Variants in EBF2 observed in about 807,000 individuals in gnomAD.
The protein encoded by EBF2 is EBF transcription factor 2, also known as transcription factor COE2.
EBF2 carries 21 observed loss-of-function variants against 72.8 expected under a neutral mutation model. That is an observed-to-expected ratio of 0.29 (90% CI 0.20 to 0.42). The LOEUF (loss-of-function observed/expected upper bound fraction) is 0.42, where lower values mean the gene tolerates loss of function less well. Among genes scored for constraint, EBF2 ranks in the 10% least tolerant of loss-of-function variants. The pLI is 1.00. For synonymous variants in EBF2, 299 were observed against 274.2 expected, an observed-to-expected ratio of 1.09 and a Z score of -0.89; for missense variants, 637 against 731.2, an observed-to-expected ratio of 0.87 and a Z score of 1.49.
At chr8:25,960,670 G>A (rs570536108) in intron 6 of EBF2, among the ~76,000 whole-genome samples, 1 of 152,048 alleles carries the variant, frequency 6.6e-6, no homozygotes, top group African/African-American at 2.4e-5. Flanking sequence ...CACCAAAACT[G>A]TTGTGCATAT....
chr8:26,022,222 C>A (rs542981557), intron 6 of EBF2, among the ~76,000 whole-genome samples: 115 of 152,266 alleles, frequency 7.6e-4, no homozygotes, highest in South Asian at 3.9e-3. Context: ...TCTCTTATCC[C>A]AACTGAGTCT....
chr8:25,922,267 C>A (rs74401183), intron 6 of EBF2, among the ~76,000 whole-genome samples: 6,818 of 150,184 alleles, frequency 0.045, 494 homozygotes, highest in African/African-American at 0.15. Context: ...AAAAAACAAA[C>A]AAAAAAAACA....
In EBF2 at chr8:25,862,809, A is replaced by G; in HGVS notation, c.1010-12T>C. The G allele has an allele frequency of 6.4e-7, 1 of 1,569,854 alleles. No individual in the cohort carries two copies. Among genetic ancestry groups the G allele is most frequent in the Non-Finnish European group, 8.6e-7 (1 of 1,156,336 alleles). ...GGGTTCATTTAATGCTGAAAGAGAA[A>G]AGTCCTCTTTCTGAGTTGGTATCCT... On this transcript the variant is annotated splice_polypyrimidine_tract_variant and intron_variant, in intron 10 of 15. Coordinates refer to ENST00000520164, the MANE Select transcript of EBF2 (RefSeq NM_022659.4).
chr8:25,972,107 A>C (rs1408087901), intron 6 of EBF2, among the ~76,000 whole-genome samples: 1 of 152,194 alleles, frequency 6.6e-6, no homozygotes. Flanking sequence ...TGTTCCCCGG[A>C]ATGCAAAGGG....
chr8:25,958,501 C>T (rs1299005424), intron 6 of EBF2, among the ~76,000 whole-genome samples: 1 of 152,072 alleles, frequency 6.6e-6, no homozygotes, highest in Non-Finnish European at 1.5e-5. Context: ...CTTTATACAA[C>T]CTTATCACTG....
chr8:25,848,029 T>TAA (rs896604415), intron 15 of EBF2, among the ~76,000 whole-genome samples: 2 of 151,388 alleles, frequency 1.3e-5, no homozygotes, highest in African/African-American at 4.9e-5. Flanking sequence ...AATTTTCTTT[T>TAA]AAAAAAAAAC....
At chr8:26,012,720 A>T (rs1805045840) in intron 6 of EBF2, among the ~76,000 whole-genome samples, 1 of 152,192 alleles carries the variant, frequency 6.6e-6, no homozygotes. Flanking sequence ...CCAGATTTCA[A>T]ACAGGTGATC....
intron 6 of EBF2, among the ~76,000 whole-genome samples, chr8:25,921,595 T>G (rs1235111661): frequency 1.3e-5 from 2 of 152,222 alleles, no homozygotes; most frequent in Admixed American, 6.5e-5. Flanking sequence ...ATTATCAACT[T>G]TTTGGAGGTT....
chr8:26,014,714 C>T (rs951633760), intron 6 of EBF2, among the ~76,000 whole-genome samples: 1 of 152,142 alleles, frequency 6.6e-6, no homozygotes, highest in Non-Finnish European at 1.5e-5. Flanking sequence ...TATTTATAAT[C>T]CTCTGTAAAT....
chr8:25,958,504 T>G (rs530790261), intron 6 of EBF2, among the ~76,000 whole-genome samples: 1 of 152,272 alleles, frequency 6.6e-6, no homozygotes, highest in South Asian at 2.1e-4. Context: ...TATACAACCT[T>G]ATCACTGACA....
chr8:25,997,751 G>T (rs569381296), intron 6 of EBF2, among the ~76,000 whole-genome samples: 1 of 152,172 alleles, frequency 6.6e-6, no homozygotes, highest in African/African-American at 2.4e-5. Flanking sequence ...GCCCTTAGTG[G>T]ATATACAAGG....
At chr8:25,914,343 C>A (rs17054573) in intron 6 of EBF2, among the ~76,000 whole-genome samples, 80,281 of 152,012 alleles carry the variant, frequency 0.53, 23,781 homozygotes, top group East Asian at 0.74. Context: ...CCTTCAAGAT[C>A]CCCCAGCAGA....
chr8:26,008,536 T>C (rs1213170273), intron 6 of EBF2, among the ~76,000 whole-genome samples: 2 of 152,102 alleles, frequency 1.3e-5, no homozygotes, highest in Non-Finnish European at 2.9e-5. Context: ...ATCAACCTAC[T>C]ACGTTAACCA....
At chr8:25,947,957 T>C (rs756554958) in intron 6 of EBF2, among the ~76,000 whole-genome samples, 1 of 152,174 alleles carries the variant, frequency 6.6e-6, no homozygotes, top group South Asian at 2.1e-4. Flanking sequence ...CAGAAGACAA[T>C]GACACACAAC....
chr8:25,974,767 C>T, intron 6 of EBF2, among the ~76,000 whole-genome samples: 1 of 151,974 alleles, frequency 6.6e-6, no homozygotes, highest in Non-Finnish European at 1.5e-5. Flanking sequence ...CTACTGTAGC[C>T]AAAAAAATAC....
intron 10 of EBF2, among the ~76,000 whole-genome samples, chr8:25,873,890 A>T (rs1802478362): frequency 2.0e-5 from 3 of 152,182 alleles, no homozygotes; most frequent in Non-Finnish European, 4.4e-5. Context: ...AGGGGCTGGG[A>T]TGTCTCTAGT....
intron 6 of EBF2, among the ~76,000 whole-genome samples, chr8:25,943,973 G>T (rs1000969676): frequency 6.6e-6 from 1 of 152,176 alleles, no homozygotes; most frequent in African/African-American, 2.4e-5. Context: ...CAGGGTCCCA[G>T]TTGTGTCCCA....
chr8:25,974,274 C>A (rs1804233511), intron 6 of EBF2, among the ~76,000 whole-genome samples: 1 of 152,182 alleles, frequency 6.6e-6, no homozygotes, highest in South Asian at 2.1e-4. Context: ...GGTGCTCTTG[C>A]CAGCATCTCC....
chr8:25,851,463 T>TATA (rs2117248610), intron 14 of EBF2, among the ~76,000 whole-genome samples: 1 of 152,270 alleles, frequency 6.6e-6, no homozygotes, highest in East Asian at 1.9e-4. Flanking sequence ...AGCCAAGCAT[T>TATA]ATAATTTCCA....
Sources: allele counts gnomAD v4.1 joint callset (sites outside exome capture counted in the v4.1 genomes callset), GRCh38; gene constraint gnomAD v4.1.1; transcripts MANE v1.5; gene names NCBI Gene and HGNC (gene_info 2026-07-23, HGNC 2026-07-21).